ARHGAP15: variants seen among roughly 807,000 people sequenced by gnomAD.
ARHGAP15 encodes the protein Rho GTPase activating protein 15, also known as rho GTPase-activating protein 15.
A neutral mutation model predicts 63.7 loss-of-function variants in ARHGAP15; 51 were observed. That is an observed-to-expected ratio of 0.80 (90% CI 0.64 to 1.01). The LOEUF (loss-of-function observed/expected upper bound fraction) is 1.01, where lower values mean the gene tolerates loss of function less well. Ranked by LOEUF, ARHGAP15 falls within the 50% of genes least tolerant of loss-of-function variation. The pLI is 0.00. For synonymous variants in ARHGAP15, 191 were observed against 193.8 expected, an observed-to-expected ratio of 0.99 and a Z score of 0.12; for missense variants, 560 against 564.6, an observed-to-expected ratio of 0.99 and a Z score of 0.08.
At chr2:143,248,434 G>A (rs768313707) in intron 5 of ARHGAP15, among the ~76,000 whole-genome samples, 12 of 152,308 alleles carry the variant, frequency 7.9e-5, no homozygotes, top group African/African-American at 1.2e-4. Context: ...CATGTTTTTA[G>A]CATATGATCA....
At chr2:143,345,822 T>C (rs1685247129) in intron 6 of ARHGAP15, among the ~76,000 whole-genome samples, 1 of 152,264 alleles carries the variant, frequency 6.6e-6, no homozygotes, top group East Asian at 1.9e-4. Context: ...ATTGCAGTTT[T>C]ATCACCATAT....
At chr2:143,645,612 C>T (rs1021890861) in intron 12 of ARHGAP15, among the ~76,000 whole-genome samples, 3 of 151,854 alleles carry the variant, frequency 2.0e-5, no homozygotes, top group Non-Finnish European at 4.4e-5. Context: ...AAATAATTGT[C>T]TTTTATTTTT....
chr2:143,228,724 A>G, intron 5 of ARHGAP15, 56 bp downstream of exon 5: 1 of 1,352,284 alleles, frequency 7.4e-7, no homozygotes, highest in Non-Finnish European at 1.0e-6. Context: ...TTGTAGAATT[A>G]AAAGTTTGGT....
intron 6 of ARHGAP15, among the ~76,000 whole-genome samples, chr2:143,407,586 T>C (rs1421440667): frequency 6.6e-6 from 1 of 151,786 alleles, no homozygotes; most frequent in Non-Finnish European, 1.5e-5. Flanking sequence ...ATTGGTTTTT[T>C]GTTGCTTTGA....
At chr2:143,750,348 G>A (rs1429751357) in intron 13 of ARHGAP15, among the ~76,000 whole-genome samples, 2 of 152,174 alleles carry the variant, frequency 1.3e-5, no homozygotes, top group Admixed American at 6.5e-5. Context: ...GGCTAAGGCA[G>A]GAGAACTGCT....
intron 6 of ARHGAP15, among the ~76,000 whole-genome samples, chr2:143,329,206 T>C (rs1312904212): frequency 6.6e-6 from 1 of 152,216 alleles, no homozygotes. Flanking sequence ...GCAAAGATGA[T>C]GGATTTGGTT....
intron 1 of ARHGAP15, among the ~76,000 whole-genome samples, chr2:143,153,867 C>CTCCTCCTCT (rs1689966273): frequency 1.2e-5 from 1 of 82,074 alleles, no homozygotes; most frequent in East Asian, 2.8e-4. Flanking sequence ...CCTCCTCCTC[C>CTCCTCCTCT]TCCTCTTCCT....
intron 5 of ARHGAP15, among the ~76,000 whole-genome samples, chr2:143,245,785 G>A (rs1193991406): frequency 6.6e-6 from 1 of 152,140 alleles, no homozygotes; most frequent in African/African-American, 2.4e-5. Context: ...ATAAGCCTTG[G>A]GCAGAAGGAG....
chr2:143,226,788 T>G (rs1693229578), intron 4 of ARHGAP15, among the ~76,000 whole-genome samples: 1 of 152,246 alleles, frequency 6.6e-6, no homozygotes, highest in Admixed American at 6.5e-5. Context: ...GCTTCTTGTG[T>G]GTCTGCTTAT....
intron 12 of ARHGAP15, among the ~76,000 whole-genome samples, chr2:143,685,086 T>C (rs948707454): frequency 1.3e-5 from 2 of 152,198 alleles, no homozygotes; most frequent in Admixed American, 6.6e-5. Flanking sequence ...GCTACCTGTT[T>C]CTGTTGTTGA....
chr2:143,377,203 T>A (rs1189146884), intron 6 of ARHGAP15, among the ~76,000 whole-genome samples: 1 of 149,094 alleles, frequency 6.7e-6, no homozygotes, highest in African/African-American at 2.6e-5. Context: ...ATCCAGCCAA[T>A]ACTTACCAAA....
intron 2 of ARHGAP15, among the ~76,000 whole-genome samples, chr2:143,163,665 A>G (rs1171520258): frequency 6.6e-6 from 1 of 152,070 alleles, no homozygotes; most frequent in Non-Finnish European, 1.5e-5. Flanking sequence ...TCTATTGCCA[A>G]GAATGTGGCA....
intron 8 of ARHGAP15, among the ~76,000 whole-genome samples, chr2:143,483,425 A>G (rs11690735): frequency 0.26 from 40,077 of 152,184 alleles, 6,065 homozygotes; most frequent in East Asian, 0.7. Context: ...TTGGTATTCT[A>G]TCATGGGAAA....
chr2:143,482,072 A>C (rs1015361528), intron 8 of ARHGAP15, among the ~76,000 whole-genome samples: 11 of 152,222 alleles, frequency 7.2e-5, no homozygotes, highest in African/African-American at 2.7e-4. Flanking sequence ...AGGAAATATA[A>C]GTAAATTCTA....
intron 8 of ARHGAP15, among the ~76,000 whole-genome samples, chr2:143,456,881 T>C (rs900458818): frequency 6.6e-6 from 1 of 151,888 alleles, no homozygotes; most frequent in African/African-American, 2.4e-5. Context: ...CTATAGTATA[T>C]AAAAATAAAT....
At chr2:143,619,836 T>C (rs148552684) in intron 11 of ARHGAP15, among the ~76,000 whole-genome samples, 158 of 152,282 alleles carry the variant, frequency 1.0e-3, no homozygotes, top group African/African-American at 3.3e-3. Flanking sequence ...CCTTCTCCCA[T>C]GATTGGAAGT....
intron 6 of ARHGAP15, among the ~76,000 whole-genome samples, chr2:143,353,537 T>A (rs1489997814): frequency 6.6e-6 from 1 of 152,170 alleles, no homozygotes; most frequent in Non-Finnish European, 1.5e-5. Flanking sequence ...TTAATTTTTT[T>A]TAGAATCTCA....
At chr2:143,284,076 T>A (rs1411856102) in intron 6 of ARHGAP15, among the ~76,000 whole-genome samples, 1 of 152,174 alleles carries the variant, frequency 6.6e-6, no homozygotes, top group Non-Finnish European at 1.5e-5. Flanking sequence ...CTCCCACTCC[T>A]GATTTCGTTT....
chr2:143,649,932 G>A (rs535326930), intron 12 of ARHGAP15, among the ~76,000 whole-genome samples: 1 of 151,944 alleles, frequency 6.6e-6, no homozygotes, highest in Non-Finnish European at 1.5e-5. Context: ...TTTAGGGATT[G>A]CCAGAGTAAG....
Sources: allele counts gnomAD v4.1 joint callset (sites outside exome capture counted in the v4.1 genomes callset), GRCh38; gene constraint gnomAD v4.1.1; transcripts MANE v1.5; gene names NCBI Gene and HGNC (gene_info 2026-07-23, HGNC 2026-07-21).